The following FGF17 variants were observed in gnomAD, a reference collection of about 807,000 sequenced individuals.
The protein encoded by FGF17 is fibroblast growth factor 17.
In FGF17, 5 loss-of-function variants were observed where a neutral mutation model predicts 23.5. That is an observed-to-expected ratio of 0.21 (90% confidence interval 0.11 to 0.45). The LOEUF is 0.45. Ranked by LOEUF, FGF17 falls within the 20% of genes least tolerant of loss-of-function variation. The pLI, the probability that FGF17 is intolerant of heterozygous loss-of-function variation, is 0.99. For synonymous variants in FGF17, 136 were observed against 123.0 expected, an observed-to-expected ratio of 1.11 and a Z score of -0.70; for missense variants, 221 against 306.9, an observed-to-expected ratio of 0.72 and a Z score of 2.09.
intron 2 of FGF17, chr8:22,045,783 G>C (rs3176291): frequency 6.4e-6 from 8 of 1,244,224 alleles, no homozygotes; most frequent in Non-Finnish European, 8.2e-6. Flanking sequence ...TGTGTGCCCC[G>C]TGCACCTCCT....
upstream of FGF17, among the ~76,000 whole-genome samples, chr8:22,039,828 T>G (rs1336843566): frequency 1.3e-5 from 2 of 152,094 alleles, no homozygotes; most frequent in African/African-American, 2.4e-5. Context: ...CTTCTGTTTT[T>G]CAGCAGGAAG....
intron 4 of FGF17, among the ~76,000 whole-genome samples, chr8:22,047,736 C>T (rs1008683770): frequency 6.6e-6 from 1 of 152,200 alleles, no homozygotes; most frequent in Non-Finnish European, 1.5e-5. Context: ...GGTTCAGGAC[C>T]GCTAAACGAC....
At chr8:22,045,002 C>T (rs906629641) in intron 2 of FGF17, 29 of 985,366 alleles carry the variant, frequency 2.9e-5, no homozygotes, top group East Asian at 2.3e-4. Context: ...CAGGTGGAGA[C>T]AAAACCAGCA....
intron 2 of FGF17, among the ~76,000 whole-genome samples, chr8:22,043,805 G>A (rs1800790554): frequency 7.1e-6 from 1 of 140,342 alleles, no homozygotes; most frequent in East Asian, 2.1e-4. Context: ...AGCCCCCAGT[G>A]CGAGGCTTGC....
intron 2 of FGF17, among the ~76,000 whole-genome samples, chr8:22,044,393 G>C (rs1019520060): frequency 3.9e-5 from 6 of 152,096 alleles, no homozygotes; most frequent in Admixed American, 3.3e-4. Flanking sequence ...GAAAGGGACA[G>C]GCTAGGTCCC....
chr8:22,045,241 G>T lies in FGF17; in HGVS notation c.73-873G>T, dbSNP rs572925668. ...AACCCAAAGGGGAAGCAGGTGGGCG[G>T]GCGCATCCCACCAACTGGCCAGGAG... On this transcript the variant is annotated intron_variant, in intron 2 of 4. Coordinates refer to ENST00000359441, the MANE Select transcript of FGF17 (RefSeq NM_003867.4). The T allele has an allele frequency of 5.1e-6, 5 of 985,600 alleles. No homozygotes were observed. In the African/African-American group the frequency reaches 8.7e-5, roughly 17 times the overall value. 61.1% of individuals were successfully genotyped at this position (985,600 alleles called of 1,614,324 possible).
Position 22,042,894 on chromosome 8 carries a change from G to A in FGF17, c.-35G>A. The stretch of plus-strand genomic sequence containing the variant: ...CCCACATCTGCTCCTGAGCTTGGGG[G>A]CAGGGGGGCAACCGCCTGAGGAACC... On this transcript the variant is annotated 5_prime_UTR_variant, in exon 1 of 5. Coordinates refer to ENST00000359441, the MANE Select transcript of FGF17 (RefSeq NM_003867.4). The A allele has an allele frequency of 6.2e-7, 1 of 1,612,230 alleles. No homozygotes were observed. The highest frequency in any genetic ancestry group is 8.5e-7 in the Non-Finnish European group (1 of 1,179,192).
intron 2 of FGF17, chr8:22,045,441 G>A: frequency 1.0e-6 from 1 of 990,420 alleles, no homozygotes; most frequent in Non-Finnish European, 1.2e-6. Context: ...GCCCATAGAG[G>A]AGGGAGGAAC....
In FGF17 at chr8:22,048,199, G is replaced by A. The variant is rs773828393; in HGVS notation, c.601G>A (p.Ala201Thr). 4 of 1,610,692 alleles carry A rather than the reference G, an allele frequency of 2.5e-6. No individual in the cohort carries two copies. The South Asian group carries it at 3.3e-5, about 13-fold the overall frequency. The change falls in exon 5 of 5, where the codon GCC becomes ACC. Residue 201 changes from alanine (A) to threonine (T), a missense_variant. Physicochemically the swap from Ala to Thr is moderately conservative, Grantham distance 58. Coordinates refer to ENST00000359441, the MANE Select transcript of FGF17 (RefSeq NM_003867.4). This position sits in a 1 kb window ranked among gnomAD's most constrained non-coding sequence, Gnocchi z 6.9. The part of the protein sequence containing the change: ...KQKQFEFVGS[A>T]PTRRTKRTRR... ...GAAGCAGTTCGAGTTTGTGGGCTCC[G>A]CCCCCACCCGCCGGACCAAGCGCAC... is the stretch of plus-strand genomic sequence containing the variant.
rs780797083 is a variant in FGF17, at chr8:22,048,220, C to CGCACA, written c.623_627dup (p.Arg210AlafsTer29). ...CTCCGCCCCCACCCGCCGGACCAAG[C>CGCACA]GCACACGGCGGCCCCAGCCCCTCAC... On this transcript the variant is annotated frameshift_variant, in exon 5 of 5. Coordinates refer to ENST00000359441, the MANE Select transcript of FGF17 (RefSeq NM_003867.4). LOFTEE classifies it high-confidence loss of function. The surrounding 1 kb of genome is among the most constrained non-coding windows in gnomAD (Gnocchi z 6.9). 1 of 1,609,682 alleles carries CGCACA rather than the reference C, an allele frequency of 6.2e-7. No homozygotes were observed. Among genetic ancestry groups the CGCACA allele is most frequent in the South Asian group, 1.1e-5 (1 of 90,762 alleles).
In FGF17 at chr8:22,043,236, G is replaced by C. The variant is rs1357347549; in HGVS notation, c.72+55G>C. ...CAATTTTTCCACCCTACCTGACCAGGGCGGGTGCAAGGGACCGGCTCCTTT... is the reference window on the plus strand; with the variant it reads ...CAATTTTTCCACCCTACCTGACCAGCGCGGGTGCAAGGGACCGGCTCCTTT... On this transcript the variant is annotated intron_variant, in intron 2 of 4. Coordinates refer to ENST00000359441, the MANE Select transcript of FGF17 (RefSeq NM_003867.4). 3.8e-6 allele frequency: 6 copies of C among 1,579,614 alleles called. No individual in the cohort carries two copies. In the East Asian group the frequency reaches 1.3e-4, roughly 35 times the overall value.
chr8:22,041,625 C>G (rs1275048600), upstream of FGF17, among the ~76,000 whole-genome samples: 1 of 152,138 alleles, frequency 6.6e-6, no homozygotes, highest in African/African-American at 2.4e-5. Flanking sequence ...ACCTTTAATC[C>G]TGAAAACCCA....
intron 2 of FGF17, chr8:22,045,887 C>A: frequency 7.0e-7 from 1 of 1,437,906 alleles, no homozygotes; most frequent in Non-Finnish European, 9.1e-7. Flanking sequence ...AAGTGTCCCC[C>A]AGCCTGGGCA....
chr8:22,045,402 G>GCCCAGC (rs1245182456), intron 2 of FGF17: 61 of 989,830 alleles, frequency 6.2e-5, no homozygotes, highest in Admixed American at 3.1e-4. Context: ...GTCCCATAGT[G>GCCCAGC]CCCAGCCCCA....
chr8:22,042,861 G>A lies in FGF17; in HGVS notation c.-68G>A. On this transcript the variant is annotated 5_prime_UTR_variant, in exon 1 of 5. Coordinates refer to ENST00000359441, the MANE Select transcript of FGF17 (RefSeq NM_003867.4). ...TTGGCTTCTCTGGGACTCTACCCCT[G>A]GGGACTTCCCACATCTGCTCCTGAG... 1 of 1,563,270 alleles carries A rather than the reference G, an allele frequency of 6.4e-7. No homozygotes were observed. The highest frequency in any genetic ancestry group is 2.3e-5 in the East Asian group (1 of 44,288).
intron 2 of FGF17, among the ~76,000 whole-genome samples, chr8:22,044,402 C>A (rs1288444866): frequency 6.6e-6 from 1 of 151,738 alleles, no homozygotes; most frequent in Non-Finnish European, 1.5e-5. Flanking sequence ...AGGCTAGGTC[C>A]CGCGGGGAGA....
chr8:22,043,141 A>G lies in FGF17; in HGVS notation c.36-4A>G, dbSNP rs764977035. 1 of 1,613,800 alleles carries G rather than the reference A, an allele frequency of 6.2e-7. No individual in the cohort carries two copies. Among genetic ancestry groups the G allele is most frequent in the Admixed American group, 1.7e-5 (1 of 60,014 alleles). On this transcript the variant is annotated splice_polypyrimidine_tract_variant and splice_region_variant and intron_variant, in intron 1 of 4. Coordinates refer to ENST00000359441, the MANE Select transcript of FGF17 (RefSeq NM_003867.4). ...ACCTGGGCTTACCTCCTCTCCCCACACAGGTGCTTACAGCTGCTGATTCTC... is the reference window on the plus strand; with the variant it reads ...ACCTGGGCTTACCTCCTCTCCCCACGCAGGTGCTTACAGCTGCTGATTCTC...
At chr8:22,041,258 G>C (rs541456743), upstream of FGF17, among the ~76,000 whole-genome samples, 7 of 152,352 alleles carry the variant, frequency 4.6e-5, no homozygotes, top group African/African-American at 1.7e-4. Context: ...CTGCGGAGAG[G>C]AGACCCCGGA....
chr8:22,046,017 C>A, intron 2 of FGF17, 97 bp from the exon 3 acceptor site: 1 of 1,605,944 alleles, frequency 6.2e-7, no homozygotes, highest in East Asian at 2.2e-5. Flanking sequence ...TGGCCTGTCC[C>A]CACTATATTC....
Sources: allele counts gnomAD v4.1 joint callset (sites outside exome capture counted in the v4.1 genomes callset), GRCh38; gene constraint gnomAD v4.1.1; non-coding constraint Gnocchi (gnomAD v3.1); transcripts MANE v1.5; gene names NCBI Gene and HGNC (gene_info 2026-07-23, HGNC 2026-07-21).